FOXP2: variants seen among roughly 807,000 people sequenced by gnomAD.
FOXP2 encodes forkhead box P2.
Under a neutral mutation model 115.8 loss-of-function variants are expected in FOXP2, and 12 were observed. The observed-to-expected ratio is 0.10, with a 90% confidence interval of 0.07 to 0.17. The LOEUF is 0.17. FOXP2 is among the 10% of genes least tolerant of loss of function. FOXP2 has a pLI of 1.00. For synonymous variants in FOXP2, 328 were observed against 297.7 expected, an observed-to-expected ratio of 1.10 and a Z score of -1.05; for missense variants, 629 against 843.5, an observed-to-expected ratio of 0.75 and a Z score of 3.15.
intron 1 of FOXP2, among the ~76,000 whole-genome samples, chr7:114,212,734 T>C (rs1298176127): frequency 1.3e-5 from 2 of 152,122 alleles, no homozygotes; most frequent in Non-Finnish European, 2.9e-5. Flanking sequence ...TGGCATAAAT[T>C]AAGAATAGAA....
intron 1 of FOXP2, among the ~76,000 whole-genome samples, chr7:114,261,918 C>T (rs1420458142): frequency 2.0e-5 from 3 of 151,860 alleles, no homozygotes; most frequent in Middle Eastern, 3.4e-3. Context: ...ATTAGCTGGG[C>T]GTGGTGGCGG....
intron 1 of FOXP2, among the ~76,000 whole-genome samples, chr7:114,090,092 C>A (rs1799512487): frequency 6.6e-6 from 1 of 151,840 alleles, no homozygotes; most frequent in Non-Finnish European, 1.5e-5. Context: ...CATGTTAAAT[C>A]AGCTATTAGT....
chr7:114,495,840 C>A (rs1797298683), intron 2 of FOXP2, among the ~76,000 whole-genome samples: 1 of 152,030 alleles, frequency 6.6e-6, no homozygotes, highest in Non-Finnish European at 1.5e-5. Context: ...TTTGCTTTTA[C>A]CTAACTGAAT....
At chr7:114,103,233 T>C (rs1368467134) in intron 1 of FOXP2, among the ~76,000 whole-genome samples, 3 of 152,048 alleles carry the variant, frequency 2.0e-5, no homozygotes, top group Non-Finnish European at 2.9e-5. Context: ...AGTCAGGACA[T>C]GGGTAGCCCA....
Position 114,177,298 on chromosome 7 carries a change from C to T in FOXP2, c.-102+14210C>T, listed in dbSNP as rs569020987. Among the ~76,000 whole-genome samples the T allele has an allele frequency of 3.9e-5, 6 of 152,258 alleles. No homozygotes were observed. The South Asian group carries it at 1.2e-3, about 32-fold the overall frequency. On this transcript the variant is annotated intron_variant, in intron 1 of 17. Transcript: ENST00000634411. ...GTCCAATGCTTTTATCATTAGTAGA[C>T]ATTACCAACCAGTCTTCTAGAGCAG...
intron 2 of FOXP2, among the ~76,000 whole-genome samples, chr7:114,337,305 G>A (rs930045764): frequency 4.0e-5 from 6 of 151,324 alleles, no homozygotes; most frequent in South Asian, 2.1e-4. Flanking sequence ...ATGAATCAAA[G>A]TGTGTCAGTG....
intron 2 of FOXP2, among the ~76,000 whole-genome samples, chr7:114,338,956 A>G (rs1791127504): frequency 6.6e-6 from 1 of 150,842 alleles, no homozygotes; most frequent in South Asian, 2.1e-4. Flanking sequence ...GATCTATGAA[A>G]TTTTTCATGG....
chr7:114,340,297 CTA>C (rs1460075573), intron 2 of FOXP2, among the ~76,000 whole-genome samples: 1 of 150,956 alleles, frequency 6.6e-6, no homozygotes, highest in African/African-American at 2.4e-5. Context: ...ATGAGGGCAT[CTA>C]TGTGTTGCCA....
intron 3 of FOXP2, among the ~76,000 whole-genome samples, chr7:114,565,662 T>A (rs572466756): frequency 4.9e-4 from 75 of 152,146 alleles, no homozygotes; most frequent in South Asian, 1.4e-3. Flanking sequence ...TTTTTACAAA[T>A]AATTTTATCT....
intron 7 of FOXP2, among the ~76,000 whole-genome samples, 189 bp downstream of exon 7, chr7:114,642,812 A>ATATATTTTT (rs1308357594): frequency 1.4e-4 from 10 of 72,430 alleles, no homozygotes; most frequent in African/African-American, 5.7e-4. Context: ...ATATATATAT[A>ATATATTTTT]TTTTTTTTTT....
intron 2 of FOXP2, among the ~76,000 whole-genome samples, chr7:114,453,490 AAC>A (rs768538195): frequency 6.6e-6 from 1 of 151,946 alleles, no homozygotes; most frequent in Non-Finnish European, 1.5e-5. Flanking sequence ...AATGATATAA[AAC>A]AGTTTATTTG....
rs73208692 is a variant in FOXP2 at position 114,676,494 on chromosome 7, T to G, written c.2003+12058T>G. Among the ~76,000 whole-genome samples the G allele has an allele frequency of 2.3e-3, 349 of 152,288 alleles. 3 individuals are homozygous for G. The highest frequency in any genetic ancestry group is 6.8e-3 in the Middle Eastern group (2 of 294). On this transcript the variant is annotated intron_variant, in intron 16 of 16. Transcript: ENST00000350908. ...ATAAAATCAGTTTCCATAATAAAAT[T>G]GAAGCATCAGAGTCCTAACACTGTT...
chr7:114,349,935 G>T (rs1420910443), intron 2 of FOXP2, among the ~76,000 whole-genome samples: 1 of 151,900 alleles, frequency 6.6e-6, no homozygotes, highest in Non-Finnish European at 1.5e-5. Flanking sequence ...ACCATAGTTG[G>T]ACTTTGGGGT....
intron 1 of FOXP2, among the ~76,000 whole-genome samples, chr7:114,156,067 G>A (rs4730626): frequency 0.19 from 29,624 of 151,922 alleles, 3,146 homozygotes; most frequent in East Asian, 0.39. Flanking sequence ...TTACTAGAAA[G>A]TCATACACCA....
chr7:114,323,700 T>G (rs958848490), intron 2 of FOXP2, among the ~76,000 whole-genome samples: 3 of 152,026 alleles, frequency 2.0e-5, no homozygotes, highest in Admixed American at 2.0e-4. Flanking sequence ...TTCTTGGAAG[T>G]TGGTTTTATT....
At chr7:114,646,991 T>G (rs1700008537) in intron 8 of FOXP2, among the ~76,000 whole-genome samples, 1 of 151,890 alleles carries the variant, frequency 6.6e-6, no homozygotes, top group African/African-American at 2.4e-5. Context: ...GTGAAAGATT[T>G]TTAGTTCTCA....
chr7:114,530,509 A>G (rs879349731), intron 2 of FOXP2, among the ~76,000 whole-genome samples: 1 of 151,876 alleles, frequency 6.6e-6, no homozygotes, highest in Non-Finnish European at 1.5e-5. Flanking sequence ...TTTTTCCCCT[A>G]ATATACATAT....
upstream of FOXP2, among the ~76,000 whole-genome samples, chr7:114,087,535 A>T (rs1049639376): frequency 2.0e-5 from 3 of 151,564 alleles, no homozygotes; most frequent in African/African-American, 7.3e-5. Context: ...CTTGGCTGTT[A>T]CCTGGAAGTC....
intron 3 of FOXP2, among the ~76,000 whole-genome samples, chr7:114,535,888 C>G (rs1035989685): frequency 1.3e-5 from 2 of 151,508 alleles, no homozygotes; most frequent in Non-Finnish European, 3.0e-5. Context: ...GTTTAAGATT[C>G]TTTTCAGTTT....
Sources: allele counts gnomAD v4.1 joint callset (sites outside exome capture counted in the v4.1 genomes callset), GRCh38; gene constraint gnomAD v4.1.1; transcripts MANE v1.5; gene names NCBI Gene and HGNC (gene_info 2026-07-23, HGNC 2026-07-21).